Variants in SLC5A4 observed in about 807,000 individuals in gnomAD.
The protein encoded by SLC5A4 is probable glucose sensor protein SLC5A4.
In SLC5A4, 55 loss-of-function variants were observed where a neutral mutation model predicts 70.3. The observed-to-expected ratio is 0.78, with a 90% CI of 0.63 to 0.98. The LOEUF (loss-of-function observed/expected upper bound fraction) is 0.98. Among genes scored for constraint, SLC5A4 ranks in the 50% least tolerant of loss-of-function variants. The pLI is 0.00. For missense variants in SLC5A4, 735 were observed against 839.2 expected (o/e 0.88, Z 1.53); for synonymous variants, 268 against 305.7 (o/e 0.88, Z 1.29).
Position 32,241,869 on chromosome 22 carries a change from A to G in SLC5A4, c.478-2779T>C, listed in dbSNP as rs62239054. Among the ~76,000 whole-genome samples the G allele has an allele frequency of 9.8e-3, 1,458 of 148,962 alleles. 8 individuals carry two copies. The highest frequency in any genetic ancestry group is 0.027 in the South Asian group (126 of 4,686). ...TGTGTGTGTGTGTGTGTGTATATAT[A>G]TGTGTGTATATATATATGTATGTAT... On this transcript the variant is annotated intron_variant, in intron 5 of 14. Coordinates refer to ENST00000266086, the MANE Select transcript of SLC5A4 (RefSeq NM_014227.3).
At chr22:32,291,874 CTA>C in the SLC5A4 span, among the ~76,000 whole-genome samples, 5 of 64,932 alleles carry the variant, frequency 7.7e-5, no homozygotes, top group Admixed American at 1.7e-4. Context: ...TTTTTCTTTT[CTA>C]TCTTTTTTTT....
the SLC5A4 span, among the ~76,000 whole-genome samples, chr22:32,329,663 T>G: frequency 5.9e-5 from 2 of 33,992 alleles, no homozygotes; most frequent in Non-Finnish European, 1.1e-4. Context: ...GGGGCTCTGG[T>G]GTGTGTGTGT....
At chr22:32,285,712 T>TTTTTATTTTA in the SLC5A4 span, among the ~76,000 whole-genome samples, 2 of 147,692 alleles carry the variant, frequency 1.4e-5, no homozygotes, top group Non-Finnish European at 3.0e-5. Flanking sequence ...TCTTTTTTTA[T>TTTTTATTTTA]TTTTATTTTA....
the SLC5A4 span, among the ~76,000 whole-genome samples, chr22:32,285,317 A>T: frequency 6.6e-6 from 1 of 152,148 alleles, no homozygotes; most frequent in East Asian, 1.9e-4. Context: ...ATTTTAATAG[A>T]TATTTTCAGA....
chr22:32,242,680 G>C (rs539838523), intron 5 of SLC5A4, among the ~76,000 whole-genome samples: 47 of 152,270 alleles, frequency 3.1e-4, no homozygotes, highest in African/African-American at 1.1e-3. Context: ...CTGCACTCCA[G>C]CCTGGGCGAC....
At chr22:32,234,391 G>A (rs565584973) in intron 8 of SLC5A4, among the ~76,000 whole-genome samples, 42 of 152,168 alleles carry the variant, frequency 2.8e-4, no homozygotes, top group Non-Finnish European at 5.0e-4. Flanking sequence ...TAAATAGCAA[G>A]GTTTGTAGAA....
chr22:32,332,367 CAG>C, the SLC5A4 span, among the ~76,000 whole-genome samples: 1 of 152,270 alleles, frequency 6.6e-6, no homozygotes, highest in East Asian at 1.9e-4. Flanking sequence ...GTCTCTGCCT[CAG>C]TGCCTCTGCA....
intron 12 of SLC5A4, 75 bp downstream of exon 12, chr22:32,225,580 A>G: frequency 1.1e-6 from 1 of 909,918 alleles, no homozygotes; most frequent in Non-Finnish European, 1.7e-6. Flanking sequence ...GAAAGAATGT[A>G]TTTTGATACC....
intron 12 of SLC5A4, among the ~76,000 whole-genome samples, 172 bp from the exon 13 acceptor site, chr22:32,224,654 T>C (rs2123871122): frequency 6.6e-6 from 1 of 152,314 alleles, no homozygotes; most frequent in Non-Finnish European, 1.5e-5. Flanking sequence ...GCTTCTTAGT[T>C]GGATGCTGCT....
the SLC5A4 span, among the ~76,000 whole-genome samples, chr22:32,314,021 T>C: frequency 6.6e-6 from 1 of 152,160 alleles, no homozygotes; most frequent in East Asian, 1.9e-4. Context: ...CCAAACTACA[T>C]GTTTTTTGGG....
chr22:32,291,095 G>A, the SLC5A4 span, among the ~76,000 whole-genome samples: 1 of 151,826 alleles, frequency 6.6e-6, no homozygotes, highest in Non-Finnish European at 1.5e-5. Flanking sequence ...TTTTTTTAAA[G>A]AGCTAGCATT....
At chr22:32,259,421 T>C (rs1927645049), upstream of SLC5A4, among the ~76,000 whole-genome samples, 1 of 152,212 alleles carries the variant, frequency 6.6e-6, no homozygotes, top group Non-Finnish European at 1.5e-5. Flanking sequence ...TTGTTTTTTA[T>C]CCAAAAAGGG....
At chr22:32,282,845 C>T in the SLC5A4 span, among the ~76,000 whole-genome samples, 1 of 152,210 alleles carries the variant, frequency 6.6e-6, no homozygotes. Flanking sequence ...AGGAAATTGT[C>T]GTTCCATTGC....
At chr22:32,253,159 T>C (rs1927272808) in intron 2 of SLC5A4, among the ~76,000 whole-genome samples, 1 of 152,214 alleles carries the variant, frequency 6.6e-6, no homozygotes, top group Non-Finnish European at 1.5e-5. Flanking sequence ...CTTCCCCTCA[T>C]ACCATTTAGA....
chr22:32,268,699 C>T, the SLC5A4 span: 1 of 152,092 alleles, frequency 6.6e-6, no homozygotes, highest in Non-Finnish European at 1.5e-5. Context: ...TATTTATGCC[C>T]CCAAACCATA....
upstream of SLC5A4, among the ~76,000 whole-genome samples, chr22:32,260,330 T>TG (rs1382481908): frequency 1.3e-5 from 2 of 151,934 alleles, no homozygotes; most frequent in Admixed American, 1.3e-4. Flanking sequence ...AAGGAGGAGC[T>TG]GGGGGCAGCA....
the SLC5A4 span, among the ~76,000 whole-genome samples, chr22:32,333,858 CCACAGA>C: frequency 6.6e-6 from 1 of 150,628 alleles, no homozygotes; most frequent in African/African-American, 2.4e-5. Context: ...CACACACACA[CCACAGA>C]CACCCACAAT....
the SLC5A4 span, among the ~76,000 whole-genome samples, chr22:32,262,420 T>C: frequency 6.6e-6 from 1 of 152,212 alleles, no homozygotes; most frequent in Admixed American, 6.5e-5. Context: ...GGCCTCACTG[T>C]GCAAACTGAT....
chr22:32,334,710 T>A, the SLC5A4 span, among the ~76,000 whole-genome samples: 1 of 152,164 alleles, frequency 6.6e-6, no homozygotes, highest in African/African-American at 2.4e-5. Context: ...CGGTGAGATG[T>A]CCCAGGGATT....
Sources: allele counts gnomAD v4.1 joint callset (sites outside exome capture counted in the v4.1 genomes callset), GRCh38; gene constraint gnomAD v4.1.1; transcripts MANE v1.5; gene names NCBI Gene and HGNC (gene_info 2026-07-23, HGNC 2026-07-21).